Variants in PDE9A observed in about 807,000 individuals in gnomAD.
The protein encoded by PDE9A is phosphodiesterase 9A, also known as high affinity cGMP-specific 3',5'-cyclic phosphodiesterase 9A.
A neutral mutation model predicts 87.4 loss-of-function variants in PDE9A; 60 were observed. The observed-to-expected ratio is 0.69, with a 90% confidence interval of 0.56 to 0.85. PDE9A has a LOEUF of 0.85. Among genes scored for constraint, PDE9A ranks in the 40% least tolerant of loss-of-function variants. The pLI is 0.00. For missense variants in PDE9A, 665 were observed against 779.0 expected (o/e 0.85, Z 1.74); for synonymous variants, 272 against 279.4 (o/e 0.97, Z 0.27).
intron 1 of PDE9A, among the ~76,000 whole-genome samples, chr21:42,663,094 C>T: frequency 6.7e-6 from 1 of 149,704 alleles, no homozygotes; most frequent in African/African-American, 2.5e-5. Flanking sequence ...CACAAGAATG[C>T]ACACCACATA....
At chr21:42,726,612 A>ATTTTTTTTTTTTTT (rs1569207248) in intron 4 of PDE9A, among the ~76,000 whole-genome samples, 1 of 24,880 alleles carries the variant, frequency 4.0e-5, no homozygotes, top group African/African-American at 3.7e-4. Context: ...ATATATATAT[A>ATTTTTTTTTTTTTT]TATATATATA....
At position 42,700,434 on chromosome 21, in the gene PDE9A, C is replaced by T. The variant is rs144834226; in HGVS notation, c.262+1423C>T. On this transcript the variant is annotated intron_variant, in intron 4 of 19. Coordinates refer to ENST00000291539, the MANE Select transcript of PDE9A (RefSeq NM_002606.3). ...TTATACAGTTAAACATATACTTAAC[C>T]GTCTTCCCTAAGAGTGGATATAAGA... Among the ~76,000 whole-genome samples the T allele has an allele frequency of 6.0e-3, 910 of 152,250 alleles. 14 individuals carry two copies. The highest frequency in any genetic ancestry group is 0.02 in the African/African-American group (817 of 41,518).
intron 2 of PDE9A, among the ~76,000 whole-genome samples, chr21:42,686,835 A>T (rs958542042): frequency 5.9e-5 from 9 of 151,774 alleles, no homozygotes; most frequent in African/African-American, 9.7e-5. Flanking sequence ...AATAAATAAA[A>T]AAGAGTGTGG....
At chr21:42,679,400 T>C (rs1040285559) in intron 1 of PDE9A, among the ~76,000 whole-genome samples, 1 of 151,906 alleles carries the variant, frequency 6.6e-6, no homozygotes, top group Non-Finnish European at 1.5e-5. Flanking sequence ...TCCTGGTGGA[T>C]TGCTGCTTCG....
intron 4 of PDE9A, among the ~76,000 whole-genome samples, chr21:42,714,960 G>T (rs2049738393): frequency 6.6e-6 from 1 of 151,958 alleles, no homozygotes; most frequent in Middle Eastern, 3.2e-3. Flanking sequence ...ATATGGTTGG[G>T]GTTAGCTCTA....
chr21:42,653,880 G>A lies in PDE9A; in HGVS notation c.66G>A (p.Gln22=). Residue 22 remains glutamine, a synonymous_variant, in exon 1 of 20, where the codon CAG becomes CAA. Coordinates refer to ENST00000291539, the MANE Select transcript of PDE9A (RefSeq NM_002606.3). ...ACCTGGACATCGATGGACGCATTCA[G>A]AAGGTAGCCCCTCCCCCACCCAGAC... ...AIYLDIDGRI[Q]KVIFSKYCNS... is the part of the protein sequence containing the mutation. 2 of 1,548,728 alleles carry A rather than the reference G, an allele frequency of 1.3e-6. No individual in the cohort carries two copies. The highest frequency in any genetic ancestry group is 1.7e-6 in the Non-Finnish European group (2 of 1,143,902).
At chr21:42,755,215 G>A (rs1052228232) in intron 10 of PDE9A, among the ~76,000 whole-genome samples, 33 of 152,224 alleles carry the variant, frequency 2.2e-4, no homozygotes, top group African/African-American at 8.0e-4. Context: ...TGACAAGCTC[G>A]GCCGCAGCGA....
chr21:42,661,141 C>T (rs1601869640), intron 1 of PDE9A, among the ~76,000 whole-genome samples: 1 of 151,784 alleles, frequency 6.6e-6, no homozygotes, highest in South Asian at 2.1e-4. Context: ...AAGGAATTCT[C>T]CTGCCTCAGC....
At chr21:42,663,498 C>T (rs1224222135) in intron 1 of PDE9A, among the ~76,000 whole-genome samples, 2 of 152,158 alleles carry the variant, frequency 1.3e-5, no homozygotes, top group African/African-American at 2.4e-5. Context: ...CTATACGTGC[C>T]GGAAGGGTGA....
intron 7 of PDE9A, among the ~76,000 whole-genome samples, chr21:42,742,717 A>T (rs1025967700): frequency 6.6e-6 from 1 of 151,842 alleles, no homozygotes; most frequent in Non-Finnish European, 1.5e-5. Flanking sequence ...TGCCCACCTC[A>T]GCCTCCCAAA....
In PDE9A at chr21:42,687,950, C is replaced by T. The variant is rs764519645; in HGVS notation, c.174C>T (p.Asp58=). 2.4e-5 allele frequency: 39 copies of T among 1,613,050 alleles called. No homozygotes were observed. The highest frequency in any genetic ancestry group is 5.3e-5 in the African/African-American group (4 of 74,926). Residue 58 remains aspartate (D), a synonymous_variant, in exon 3 of 20, where the codon GAC becomes GAT. Transcript: ENST00000291539. ...NTTISLLTTD[D]AMVSIDPTMP... ...CCATCTCCCTGCTGACCACCGACGA[C>T]GCCATGGTCTCCATCGACCCCACCA...
intron 1 of PDE9A, among the ~76,000 whole-genome samples, chr21:42,658,691 G>A (rs773674947): frequency 9.8e-5 from 15 of 152,286 alleles, no homozygotes; most frequent in East Asian, 1.9e-4. Flanking sequence ...CACTGTCTGC[G>A]CCCTCCTTCC....
chr21:42,740,602 GATGGATGGATGGATGGATGGATGA>G (rs1302959993), intron 7 of PDE9A, among the ~76,000 whole-genome samples: 13 of 106,874 alleles, frequency 1.2e-4, no homozygotes, highest in Non-Finnish European at 1.8e-4. Context: ...TGGATGGATG[GATGGATGGATGGATGGATGGATGA>G]ATGGATACAT....
intron 6 of PDE9A, among the ~76,000 whole-genome samples, chr21:42,732,587 T>C (rs1405687552): frequency 6.6e-6 from 1 of 152,186 alleles, no homozygotes; most frequent in Non-Finnish European, 1.5e-5. Context: ...TTAATTAAAA[T>C]AGTGAAAAGC....
Position 42,687,897 on chromosome 21 carries a change from G to A in PDE9A, c.141-20G>A. On this transcript the variant is annotated intron_variant, in intron 2 of 19. Transcript: ENST00000291539. ...AGAGCACACTATGGGCGAAAACACG[G>A]GCTTGGGTGTGTTTTCCAGGAACAC... 6.2e-7 allele frequency: 1 copy of A among 1,609,936 alleles called. No individual in the cohort carries two copies. The highest frequency in any genetic ancestry group is 8.5e-7 in the Non-Finnish European group (1 of 1,177,284).
At chr21:42,674,094 C>A (rs566043685) in intron 1 of PDE9A, among the ~76,000 whole-genome samples, 1 of 152,298 alleles carries the variant, frequency 6.6e-6, no homozygotes, top group Admixed American at 6.5e-5. Flanking sequence ...CTCCCCAAAC[C>A]TTGCTCAAGG....
chr21:42,709,165 A>C (rs1031297748), intron 4 of PDE9A, among the ~76,000 whole-genome samples: 3 of 152,216 alleles, frequency 2.0e-5, no homozygotes, highest in Non-Finnish European at 4.4e-5. Flanking sequence ...ACATAGACAG[A>C]GCTGGAAGCC....
chr21:42,703,692 C>T (rs2048572441), intron 4 of PDE9A, among the ~76,000 whole-genome samples: 1 of 152,162 alleles, frequency 6.6e-6, no homozygotes, highest in Non-Finnish European at 1.5e-5. Context: ...CGGAGCTGCT[C>T]CTCCCTGGAG....
chr21:42,729,441 T>C (rs1344339822), intron 4 of PDE9A, among the ~76,000 whole-genome samples: 1 of 152,204 alleles, frequency 6.6e-6, no homozygotes, highest in Non-Finnish European at 1.5e-5. Context: ...AATACCTAGC[T>C]CTGTTTTGTT....
Sources: allele counts gnomAD v4.1 joint callset (sites outside exome capture counted in the v4.1 genomes callset), GRCh38; gene constraint gnomAD v4.1.1; transcripts MANE v1.5; gene names NCBI Gene and HGNC (gene_info 2026-07-23, HGNC 2026-07-21).